Variants in ECPAS observed in about 807,000 individuals in gnomAD.
The protein encoded by ECPAS is Ecm29 proteasome adaptor and scaffold, also known as proteasome adapter and scaffold protein ECM29.
Under a neutral mutation model 255.1 loss-of-function variants are expected in ECPAS, and 70 were observed. The ratio of observed to expected loss-of-function variants is 0.27; its 90% confidence interval spans 0.23 to 0.33. The LOEUF (loss-of-function observed/expected upper bound fraction) is 0.33. ECPAS is among the 10% of genes least tolerant of loss of function. The probability of loss-of-function intolerance (pLI) is 1.00; values close to 1 mark genes in which losing one functional copy is unlikely to be tolerated. For synonymous variants in ECPAS, 784 were observed against 775.0 expected, an observed-to-expected ratio of 1.01 and a Z score of -0.19; for missense variants, 1,817 against 2,206.4, an observed-to-expected ratio of 0.82 and a Z score of 3.54.
At chr9:111,466,214 C>G (rs1282540516) in intron 2 of ECPAS, among the ~76,000 whole-genome samples, 1 of 151,856 alleles carries the variant, frequency 6.6e-6, no homozygotes, top group East Asian at 1.9e-4. Flanking sequence ...TTTGGGAGGC[C>G]GAGGTAAGTG....
intron 31 of ECPAS, among the ~76,000 whole-genome samples, chr9:111,388,682 A>G (rs2098154443): frequency 6.6e-6 from 1 of 152,174 alleles, no homozygotes; most frequent in Admixed American, 6.6e-5. Flanking sequence ...AAAAAAGATG[A>G]TGATGACCTA....
At chr9:111,387,573 T>C (rs1308755805) in intron 31 of ECPAS, among the ~76,000 whole-genome samples, 2 of 151,518 alleles carry the variant, frequency 1.3e-5, no homozygotes, top group African/African-American at 4.9e-5. Flanking sequence ...ACTGTCTCAC[T>C]CACTGTCAGT....
At chr9:111,409,300 T>C (rs959352504) in intron 23 of ECPAS, among the ~76,000 whole-genome samples, 22 of 152,222 alleles carry the variant, frequency 1.4e-4, no homozygotes, top group African/African-American at 5.1e-4. Flanking sequence ...GGCTCAAGCC[T>C]GTAATCCCAG....
chr9:111,390,117 A>G lies in ECPAS; in HGVS notation c.3162-16T>C, dbSNP rs1469997884. On this transcript the variant is annotated splice_polypyrimidine_tract_variant and intron_variant, in intron 29 of 49. Coordinates refer to ENST00000684092, the MANE Select transcript of ECPAS (RefSeq NM_001364929.1). ...AAGGCCCTGACTTGGAAACAAAGAA[A>G]AAGAGGTAGGCAATAATACACTTCT... 2 of 1,471,634 alleles carry G rather than the reference A, an allele frequency of 1.4e-6. No individual in the cohort carries two copies. The highest frequency in any genetic ancestry group is 1.2e-5 in the South Asian group (1 of 83,326). The allele number at this position is 1,471,634 out of a possible 1,614,324, so 91.2% of individuals were successfully genotyped here. A position where few individuals can be genotyped will look rare whatever the true frequency, so the allele number is the denominator to read the frequency against.
chr9:111,372,810 T>G (rs148496122), intron 41 of ECPAS, among the ~76,000 whole-genome samples, 190 bp from the exon 42 acceptor site: 1 of 152,158 alleles, frequency 6.6e-6, no homozygotes, highest in Non-Finnish European at 1.5e-5. Context: ...GGTGAGCAGA[T>G]AGCTTGAGCT....
At chr9:111,477,585 A>G (rs1218411527) in intron 1 of ECPAS, among the ~76,000 whole-genome samples, 1 of 152,216 alleles carries the variant, frequency 6.6e-6, no homozygotes, top group East Asian at 1.9e-4. Context: ...CATGCAGGAC[A>G]GGAATAACAC....
chr9:111,476,822 C>T (rs2098296828), intron 1 of ECPAS, among the ~76,000 whole-genome samples: 1 of 152,052 alleles, frequency 6.6e-6, no homozygotes, highest in African/African-American at 2.4e-5. Flanking sequence ...GCCACCACAA[C>T]CAGCTAATTT....
chr9:111,440,371 C>G lies in ECPAS; in HGVS notation c.539+1G>C. 1 of 1,607,370 alleles carries G rather than the reference C, an allele frequency of 6.2e-7. No individual in the cohort carries two copies. Among genetic ancestry groups the G allele is most frequent in the Non-Finnish European group, 8.5e-7 (1 of 1,175,730 alleles). On this transcript the variant is annotated splice_donor_variant, in intron 6 of 49. Coordinates refer to ENST00000684092, the MANE Select transcript of ECPAS (RefSeq NM_001364929.1). LOFTEE classifies it high-confidence loss of function. ...AAGGTTGCTTTTATTTTTTAACTCA[C>G]CCATAAGGCATCAGAAGGACATCTA...
chr9:111,408,672 T>G lies in ECPAS; in HGVS notation c.2551A>C (p.Met851Leu), dbSNP rs1473732116. ...AGTGTTTGGATTGCTCGTTCTTTCATCTGGAAGAACACCAAATTTTTTTCT... is the reference window on the plus strand; with the variant it reads ...AGTGTTTGGATTGCTCGTTCTTTCAGCTGGAAGAACACCAAATTTTTTTCT... ...RIPSSKETNK[M>L]KERAIQTLGY... Residue 851 changes from methionine (M) to leucine (L), a missense_variant and splice_region_variant, in exon 24 of 50, where the codon ATG becomes CTG. This residue lies in a region of ECPAS where 960 missense variants were observed against 1,179.0 expected (regional missense o/e 0.81). Transcript: ENST00000684092. 1 of 1,552,648 alleles carries G rather than the reference T, an allele frequency of 6.4e-7. No homozygotes were observed. The highest frequency in any genetic ancestry group is 1.4e-5 in the African/African-American group (1 of 72,620).
intron 21 of ECPAS, 135 bp from the exon 22 acceptor site, chr9:111,411,277 G>T: frequency 4.5e-6 from 4 of 897,514 alleles, no homozygotes; most frequent in Non-Finnish European, 6.8e-6. Context: ...AACACTCGAG[G>T]TTTCACTGGA....
At chr9:111,465,313 G>T (rs1168636647) in intron 2 of ECPAS, among the ~76,000 whole-genome samples, 1 of 152,008 alleles carries the variant, frequency 6.6e-6, no homozygotes, top group Non-Finnish European at 1.5e-5. Context: ...GCCGAGGTGG[G>T]TGGATCACCT....
chr9:111,411,175 G>C (rs1245197826), intron 21 of ECPAS, 33 bp from the exon 22 acceptor site: 1 of 1,608,176 alleles, frequency 6.2e-7, no homozygotes, highest in African/African-American at 1.3e-5. Flanking sequence ...CATATCTCTG[G>C]CTCTCTCTCA....
At chr9:111,413,342 T>A (rs1589162540) in intron 20 of ECPAS, among the ~76,000 whole-genome samples, 1 of 152,312 alleles carries the variant, frequency 6.6e-6, no homozygotes, top group East Asian at 1.9e-4. Flanking sequence ...CTCTCCATAG[T>A]TGTAGTGGAA....
chr9:111,443,881 A>G lies in ECPAS; in HGVS notation c.270+497T>C, dbSNP rs558318594. ...TTTATGAAGACAACACTTTAAAAGGAATGTTTCTTACCAGACTCAGATTTA... is the reference window on the plus strand; with the variant it reads ...TTTATGAAGACAACACTTTAAAAGGGATGTTTCTTACCAGACTCAGATTTA... On this transcript the variant is annotated intron_variant, in intron 4 of 49. Transcript: ENST00000684092. Among the ~76,000 whole-genome samples, 9 of 152,336 alleles carry G rather than the reference A, an allele frequency of 5.9e-5. No individual in the cohort carries two copies. In the East Asian group the frequency reaches 1.7e-3, roughly 29 times the overall value.
chr9:111,391,185 C>A (rs2131609268), intron 29 of ECPAS, among the ~76,000 whole-genome samples: 1 of 152,318 alleles, frequency 6.6e-6, no homozygotes, highest in Middle Eastern at 3.4e-3. Flanking sequence ...AGGCCCTATC[C>A]TGCCTCCTCA....
chr9:111,372,758 G>A, intron 41 of ECPAS, 138 bp from the exon 42 acceptor site: 1 of 741,780 alleles, frequency 1.3e-6, no homozygotes, highest in Non-Finnish European at 2.1e-6. Context: ...AGGCTGGGTT[G>A]TGGTGGCTTA....
chr9:111,392,424 T>C (rs1285751509), intron 28 of ECPAS, among the ~76,000 whole-genome samples: 1 of 152,204 alleles, frequency 6.6e-6, no homozygotes, highest in East Asian at 1.9e-4. Context: ...CACAGATGAT[T>C]TCCCCTCACA....
chr9:111,456,391 G>A (rs888373670), intron 2 of ECPAS, among the ~76,000 whole-genome samples: 3 of 152,122 alleles, frequency 2.0e-5, no homozygotes, highest in Non-Finnish European at 4.4e-5. Context: ...AATAAGAATG[G>A]AGTCTTCTGA....
chr9:111,389,193 C>T (rs61637959), intron 31 of ECPAS, among the ~76,000 whole-genome samples: 9,630 of 152,264 alleles, frequency 0.063, 435 homozygotes, highest in East Asian at 0.19. Context: ...CAATTGCCTG[C>T]TTCCTTGTCT....
Sources: allele counts gnomAD v4.1 joint callset (sites outside exome capture counted in the v4.1 genomes callset), GRCh38; gene constraint gnomAD v4.1.1; regional missense constraint gnomAD v4.1.1; transcripts MANE v1.5; gene names NCBI Gene and HGNC (gene_info 2026-07-23, HGNC 2026-07-21).